Variants in ZNF180 observed in about 807,000 individuals in gnomAD.
ZNF180 encodes the protein zinc finger protein 180.
In ZNF180, 11 loss-of-function variants were observed where a neutral mutation model predicts 11.8. The ratio of observed to expected loss-of-function variants is 0.93; its 90% CI spans 0.59 to 1.55. The LOEUF is 1.55. ZNF180 is among the 40% of genes most tolerant of loss of function. ZNF180 has a pLI of 0.00. For synonymous variants in ZNF180, 287 were observed against 257.7 expected, an observed-to-expected ratio of 1.11 and a Z score of -1.09; for missense variants, 773 against 781.7, an observed-to-expected ratio of 0.99 and a Z score of 0.13.
At chr19:44,488,997 A>G (rs1165883564) in intron 2 of ZNF180, among the ~76,000 whole-genome samples, 2 of 145,454 alleles carry the variant, frequency 1.4e-5, no homozygotes, top group African/African-American at 2.6e-5. Context: ...CCCGGCAGCC[A>G]CCCTGTCTGG....
rs193106599 is a variant in ZNF180 at position 44,481,829 on chromosome 19, C to G, written c.127-2420G>C. On this transcript the variant is annotated intron_variant, in intron 3 of 4. Coordinates refer to ENST00000592529, the MANE Select transcript of ZNF180 (RefSeq NM_001278509.3). ...CCTCACCCAAATTGATTTAAGTCAT[C>G]CCCCCTCACCTGAATCTCACAAGCT... is the stretch of plus-strand genomic sequence containing the variant. 1.3e-4 allele frequency among the ~76,000 whole-genome samples: 20 copies of G among 152,258 alleles called. No individual in the cohort carries two copies. In the East Asian group the frequency reaches 3.7e-3, roughly 28 times the overall value.
At chr19:44,488,413 C>T (rs1015747220) in intron 2 of ZNF180, among the ~76,000 whole-genome samples, 14 of 152,160 alleles carry the variant, frequency 9.2e-5, no homozygotes, top group Admixed American at 2.0e-4. Context: ...TGCAGGCGTG[C>T]GCCGCCACGC....
In ZNF180 at chr19:44,477,802, A is replaced by G; in HGVS notation, c.598T>C (p.Trp200Arg). The change falls in exon 5 of 5, where the codon TGG (tryptophan) becomes CGG (arginine). Residue 200 changes from tryptophan to arginine, a missense_variant. Physicochemically the swap from Trp to Arg is moderately radical, Grantham distance 101. Transcript: ENST00000592529. ...FHKHVSHAKK[W>R]HLNAAVNSHQ... is the part of the protein sequence containing the mutation. The stretch of plus-strand genomic sequence containing the variant: ...CTGTTTACAGCAGCATTAAGATGCC[A>G]TTTTTTAGCATGTGATACATGTTTA... The G allele has an allele frequency of 6.2e-7, 1 of 1,613,922 alleles. No homozygotes were observed. The highest frequency in any genetic ancestry group is 8.5e-7 in the Non-Finnish European group (1 of 1,179,968).
intron 2 of ZNF180, among the ~76,000 whole-genome samples, chr19:44,488,137 CA>C: frequency 7.9e-6 from 1 of 126,232 alleles, no homozygotes; most frequent in South Asian, 2.8e-4. Context: ...CTTCTCTTTC[CA>C]CGGTCTCCCT....
At chr19:44,489,197 GAGGGGCGCCTC>G (rs1970351834) in intron 2 of ZNF180, among the ~76,000 whole-genome samples, 5 of 59,554 alleles carry the variant, frequency 8.4e-5, no homozygotes, top group South Asian at 8.8e-4. Context: ...TCTGGGAGGT[GAGGGGCGCCTC>G]TGCCCGGCCA....
intron 2 of ZNF180, among the ~76,000 whole-genome samples, chr19:44,493,541 T>C (rs192720402): frequency 1.4e-3 from 214 of 152,348 alleles, no homozygotes; most frequent in Non-Finnish European, 2.2e-3. Context: ...CATTCAGAGT[T>C]GAGAAGTGTG....
intron 2 of ZNF180, among the ~76,000 whole-genome samples, chr19:44,487,164 T>A (rs987853495): frequency 4.6e-5 from 7 of 152,232 alleles, no homozygotes; most frequent in African/African-American, 1.7e-4. Flanking sequence ...AAGGTATAAG[T>A]GTGTCAATTT....
chr19:44,488,460 T>A (rs1970308471), intron 2 of ZNF180, among the ~76,000 whole-genome samples: 1 of 152,046 alleles, frequency 6.6e-6, no homozygotes, highest in Non-Finnish European at 1.5e-5. Flanking sequence ...GGAGACGGGG[T>A]TTCGCTGTGT....
chr19:44,500,136 C>A, intron 1 of ZNF180, 139 bp downstream of exon 1: 1 of 1,611,824 alleles, frequency 6.2e-7, no homozygotes, highest in Non-Finnish European at 8.5e-7. Flanking sequence ...ACTCCATCAA[C>A]CCCGGTGACC....
Position 44,476,808 on chromosome 19 carries a change from A to G in ZNF180, c.1592T>C (p.Phe531Ser), listed in dbSNP as rs1969900444. ...CATAACAAGGTGAGAACTGCGGTTA[A>G]AAGATTTTCCACATTCACTACATTC... The part of the protein sequence containing the change: ...PYECSECGKS[F>S]NRSSHLVMHQ... Residue 531 changes from phenylalanine (F) to serine (S), a missense_variant, in exon 5 of 5, where the codon TTT (phenylalanine) becomes TCT (serine). Phe to Ser is a radical substitution (Grantham distance 155). Coordinates refer to ENST00000592529, the MANE Select transcript of ZNF180 (RefSeq NM_001278509.3). 4 of 1,614,012 alleles carry G rather than the reference A, an allele frequency of 2.5e-6. No homozygotes were observed. The African/African-American group carries it at 4.0e-5, about 16-fold the overall frequency.
Position 44,479,321 on chromosome 19 carries a change from T to G in ZNF180, c.215A>C (p.Asp72Ala), listed in dbSNP as rs764643139. Residue 72 changes from aspartate (D) to alanine (A), a missense_variant, in exon 4 of 5, where the codon GAT (aspartate) becomes GCT (alanine). By Grantham distance (126) the Asp-to-Ala change is moderately radical (BLOSUM62 -2). Transcript: ENST00000592529. ...GTCCCTGTGGTTCTCCAGGATCACA[T>G]CTCTGTCCAGGGTCCTCTGAGCAGG... is the stretch of plus-strand genomic sequence containing the variant. ...CNPAQRTLDR[D>A]VILENHRDLV... 1 of 1,614,024 alleles carries G rather than the reference T, an allele frequency of 6.2e-7. No individual in the cohort carries two copies. Among genetic ancestry groups the G allele is most frequent in the African/African-American group, 1.3e-5 (1 of 75,010 alleles).
intron 3 of ZNF180, among the ~76,000 whole-genome samples, chr19:44,484,048 G>A (rs997529076): frequency 6.7e-6 from 1 of 148,654 alleles, no homozygotes; most frequent in African/African-American, 2.5e-5. Flanking sequence ...AGGCTGAAGT[G>A]CAGTGGCGCA....
chr19:44,475,262 C>A lies in ZNF180; in HGVS notation c.*1140G>T, dbSNP rs1411412722. The A allele has an allele frequency of 6.6e-6, 1 of 152,194 alleles. No individual in the cohort carries two copies. The highest frequency in any genetic ancestry group is 2.4e-5 in the African/African-American group (1 of 41,426). The allele number at this position is 152,194 out of a possible 1,614,324, so 9.4% of individuals were successfully genotyped here. A position where few individuals can be genotyped will look rare whatever the true frequency, so the allele number is the denominator to read the frequency against. ...CGGTCAGCACTGAGCCAGGGAAGCA[C>A]CCTTCTATTCAGAGGACTCTCACAT... On this transcript the variant is annotated 3_prime_UTR_variant, in exon 5 of 5. Transcript: ENST00000592529.
chr19:44,492,139 T>C (rs1048355698), intron 2 of ZNF180, among the ~76,000 whole-genome samples: 2 of 152,176 alleles, frequency 1.3e-5, no homozygotes, highest in Non-Finnish European at 2.9e-5. Context: ...CCCTTTACTA[T>C]ACCAGTAAAA....
rs764643139 is a variant in ZNF180 at position 44,479,321 on chromosome 19, T to C, written c.215A>G (p.Asp72Gly). 1.9e-5 allele frequency: 30 copies of C among 1,613,906 alleles called. No individual in the cohort carries two copies. In the South Asian group the frequency reaches 3.2e-4, roughly 17 times the overall value. ...CNPAQRTLDR[D>G]VILENHRDLV... ...GTCCCTGTGGTTCTCCAGGATCACA[T>C]CTCTGTCCAGGGTCCTCTGAGCAGG... The change falls in exon 4 of 5, where the codon GAT (aspartate) becomes GGT (glycine). Residue 72 changes from aspartate (D) to glycine (G), a missense_variant. Transcript: ENST00000592529.
At position 44,476,501 on chromosome 19, in the gene ZNF180, G is replaced by A; in HGVS notation, c.1899C>T (p.Pro633=). The change falls in exon 5 of 5, where the codon CCC becomes CCT. Residue 633 remains proline, a synonymous_variant. Transcript: ENST00000592529. Reference sequence around the variant, plus strand: ...CTTTTCCACACTGAATACATGTAAAGGGTTTCTCTCCAGTATGAGTTCTTT... The same window carrying A: ...CTTTTCCACACTGAATACATGTAAAAGGTTTCTCTCCAGTATGAGTTCTTT... ...VHQRTHTGEK[P]FTCIQCGKAF... 1.9e-6 allele frequency: 3 copies of A among 1,614,112 alleles called. No individual in the cohort carries two copies. Among genetic ancestry groups the A allele is most frequent in the Non-Finnish European group, 2.5e-6 (3 of 1,179,996 alleles).
rs540939799 is a variant in ZNF180 at position 44,492,231 on chromosome 19, T to C, written c.51+5053A>G. Among the ~76,000 whole-genome samples the C allele has an allele frequency of 4.6e-5, 7 of 152,352 alleles. No individual in the cohort carries two copies. The South Asian group carries it at 1.4e-3, about 32-fold the overall frequency. Reference sequence around the variant, plus strand: ...TATATTAGAAAGCACTGTGTATTTTTTATCTTTGTATTCTCCTCAGTATTG... The same window carrying C: ...TATATTAGAAAGCACTGTGTATTTTCTATCTTTGTATTCTCCTCAGTATTG... On this transcript the variant is annotated intron_variant, in intron 2 of 4. Coordinates refer to ENST00000592529, the MANE Select transcript of ZNF180 (RefSeq NM_001278509.3).
Position 44,479,320 on chromosome 19 carries a change from A to T in ZNF180, c.216T>A (p.Asp72Glu). 1 of 1,613,998 alleles carries T rather than the reference A, an allele frequency of 6.2e-7. No homozygotes were observed. The highest frequency in any genetic ancestry group is 1.3e-5 in the African/African-American group (1 of 75,016). ...GGTCCCTGTGGTTCTCCAGGATCAC[A>T]TCTCTGTCCAGGGTCCTCTGAGCAG... Reference protein sequence around the residue: ...CNPAQRTLDRDVILENHRDLV... With the variant: ...CNPAQRTLDREVILENHRDLV... The change falls in exon 4 of 5, where the codon GAT (aspartate) becomes GAA (glutamate). Residue 72 changes from aspartate (D) to glutamate (E), a missense_variant. Transcript: ENST00000592529.
rs770437525 is a variant in ZNF180, at chr19:44,479,377, G to A, written c.159C>T (p.Asp53=). Residue 53 remains aspartate (D), a synonymous_variant, in exon 4 of 5, where the codon GAC becomes GAT. Coordinates refer to ENST00000592529, the MANE Select transcript of ZNF180 (RefSeq NM_001278509.3). ...EGVNFKIVTV[D]FTREEQGTCN... is the part of the protein sequence containing the mutation. ...AAGTACCCTGTTCCTCCCGTGTGAA[G>A]TCCACAGTCACAATTTTGAAGTTCA... 6.2e-6 allele frequency: 10 copies of A among 1,613,820 alleles called. No individual in the cohort carries two copies. Among genetic ancestry groups the A allele is most frequent in the Non-Finnish European group, 8.5e-6 (10 of 1,179,922 alleles).
Sources: allele counts gnomAD v4.1 joint callset (sites outside exome capture counted in the v4.1 genomes callset), GRCh38; gene constraint gnomAD v4.1.1; transcripts MANE v1.5; gene names NCBI Gene and HGNC (gene_info 2026-07-23, HGNC 2026-07-21).